PTCH1: variants seen among roughly 807,000 people sequenced by gnomAD.
The protein encoded by PTCH1 is patched 1.
A neutral mutation model predicts 144.6 loss-of-function variants in PTCH1; 14 were observed. The observed-to-expected ratio is 0.10, with a 90% CI of 0.06 to 0.15. The LOEUF (loss-of-function observed/expected upper bound fraction) is 0.15. Ranked by LOEUF, PTCH1 falls within the 10% of genes least tolerant of loss-of-function variation. The probability of loss-of-function intolerance (pLI) is 1.00; values close to 1 mark genes in which losing one functional copy is unlikely to be tolerated. For synonymous variants in PTCH1, 833 were observed against 793.6 expected (o/e 1.05, Z -0.83); for missense variants, 1,623 against 1,948.3 (o/e 0.83, Z 3.14).
chr9:95,468,018 T>A (rs1242251695), intron 14 of PTCH1, among the ~76,000 whole-genome samples: 1 of 152,196 alleles, frequency 6.6e-6, no homozygotes, highest in Admixed American at 6.5e-5. Flanking sequence ...ATGATCCTCC[T>A]GTCTCAGCTG....
intron 5 of PTCH1, among the ~76,000 whole-genome samples, chr9:95,481,383 T>C (rs963235981): frequency 6.6e-6 from 1 of 152,188 alleles, no homozygotes; most frequent in Admixed American, 6.5e-5. Flanking sequence ...TAACTGAAAA[T>C]GTCTATGCTG....
chr9:95,459,253 A>G (rs1176856462), intron 17 of PTCH1, among the ~76,000 whole-genome samples: 1 of 152,238 alleles, frequency 6.6e-6, no homozygotes, highest in Non-Finnish European at 1.5e-5. Context: ...AGATAAACAT[A>G]TAATCCCCAG....
At chr9:95,472,673 G>A (rs1222570005) in intron 12 of PTCH1, among the ~76,000 whole-genome samples, 2 of 152,258 alleles carry the variant, frequency 1.3e-5, no homozygotes, top group South Asian at 2.1e-4. Flanking sequence ...CGGCCTCATC[G>A]GTCAGAGAAG....
upstream of PTCH1, among the ~76,000 whole-genome samples, chr9:95,510,739 AAAG>A (rs910245486): frequency 7.3e-5 from 11 of 149,672 alleles, no homozygotes; most frequent in East Asian, 3.9e-4. Flanking sequence ...ATTGAAAAAA[AAAG>A]AAGAAAGAAA....
chr9:95,507,500 G>C (rs1587697267), intron 1 of PTCH1: 1 of 952,620 alleles, frequency 1.0e-6, no homozygotes, highest in South Asian at 4.8e-5. Flanking sequence ...ATTTAAGGTG[G>C]CAATTTGTTT....
At chr9:95,493,803 A>AC (rs1366790446) in intron 2 of PTCH1, among the ~76,000 whole-genome samples, 6 of 150,652 alleles carry the variant, frequency 4.0e-5, no homozygotes, top group African/African-American at 1.5e-4. Flanking sequence ...TCGAAAAACA[A>AC]AAAAAAAAGA....
rs56141639 is a variant in PTCH1, at chr9:95,480,438, C to T, written c.897G>A (p.Pro299=). The change falls in exon 6 of 24, where the codon CCG becomes CCA. Residue 299 remains proline (P), a synonymous_variant. Transcript: ENST00000331920. ...CTGTGGCGGGGCAGTCTGGATCGGCCGGATTGAGGCAGGGGCGGTCCATGT... is the reference window on the plus strand; with the variant it reads ...CTGTGGCGGGGCAGTCTGGATCGGCTGGATTGAGGCAGGGGCGGTCCATGT... ...HGYMDRPCLN[P]ADPDCPATAP... 86 of 1,611,250 alleles carry T rather than the reference C, an allele frequency of 5.3e-5. No individual in the cohort carries two copies. The highest frequency in any genetic ancestry group is 6.5e-5 in the Non-Finnish European group (77 of 1,179,662).
At chr9:95,507,204 A>G (rs1843748298) in intron 1 of PTCH1, 1 of 985,568 alleles carries the variant, frequency 1.0e-6, no homozygotes. Flanking sequence ...TGAATTAGGA[A>G]GTGGGGCAGC....
chr9:95,480,359 C>T (rs2118408582), intron 6 of PTCH1, 31 bp downstream of exon 6: 1 of 1,606,944 alleles, frequency 6.2e-7, no homozygotes, highest in Non-Finnish European at 8.5e-7. Context: ...TGCTCTCCAC[C>T]CTTCTGAGAG....
chr9:95,506,648 GCGCGCCCA>G (rs1386325774), intron 1 of PTCH1, 49 bp from the exon 2 acceptor site: 2 of 1,508,186 alleles, frequency 1.3e-6, no homozygotes, highest in African/African-American at 2.9e-5. Flanking sequence ...GTCGCGGCCC[GCGCGCCCA>G]CGCCCGCTTG....
intron 1 of PTCH1, chr9:95,507,873 C>G: frequency 8.1e-7 from 1 of 1,241,766 alleles, no homozygotes; most frequent in South Asian, 1.6e-5. Context: ...TTCCAGTGCT[C>G]CGGAAAAGGC....
chr9:95,509,898 A>C (rs535190371), upstream of PTCH1, among the ~76,000 whole-genome samples: 334 of 152,248 alleles, frequency 2.2e-3, 2 homozygotes, highest in Non-Finnish European at 3.9e-3. Context: ...AACGCCTCGC[A>C]TTAAGATAAA....
intron 2 of PTCH1, among the ~76,000 whole-genome samples, chr9:95,500,440 AATAAATACCTAT>A (rs1308413823): frequency 6.6e-6 from 1 of 152,228 alleles, no homozygotes; most frequent in African/African-American, 2.4e-5. Context: ...AGTAGAAACT[AATAAATACCTAT>A]AAACATATTC....
intron 2 of PTCH1, among the ~76,000 whole-genome samples, chr9:95,488,484 T>G (rs1280308969): frequency 6.6e-6 from 1 of 152,224 alleles, no homozygotes; most frequent in Non-Finnish European, 1.5e-5. Context: ...TATCTAATAT[T>G]TCATCTTATA....
Position 95,501,435 on chromosome 9 carries a change from T to C in PTCH1, c.394+4972A>G, listed in dbSNP as rs150550510. Among the ~76,000 whole-genome samples, 1,035 of 152,126 alleles carry C rather than the reference T, an allele frequency of 6.8e-3. 16 individuals are homozygous for C. Among genetic ancestry groups the C allele is most frequent in the African/African-American group, 0.024 (996 of 41,474 alleles). ...CAGTTATCTCCTACAACTGATTGCC[T>C]GAGTTCAAGAACACTGAAAGCATTA... On this transcript the variant is annotated intron_variant, in intron 2 of 23. Transcript: ENST00000331920.
At chr9:95,494,493 G>T in intron 2 of PTCH1, 1 of 965,118 alleles carries the variant, frequency 1.0e-6, no homozygotes, top group Non-Finnish European at 1.2e-6. Context: ...CAGAGCACAG[G>T]CGGAAATGTC....
At chr9:95,481,326 G>A (rs1281107906) in intron 5 of PTCH1, among the ~76,000 whole-genome samples, 1 of 152,210 alleles carries the variant, frequency 6.6e-6, no homozygotes, top group African/African-American at 2.4e-5. Flanking sequence ...GCAGATATGT[G>A]CAAGCCAGGA....
At chr9:95,512,716 C>A (rs1443466240), upstream of PTCH1, among the ~76,000 whole-genome samples, 1 of 152,248 alleles carries the variant, frequency 6.6e-6, no homozygotes, top group Admixed American at 6.5e-5. Flanking sequence ...AAGGATTCCA[C>A]AGATCTGAGA....
chr9:95,452,123 C>T (rs979340075), intron 20 of PTCH1: 32 of 152,300 alleles, frequency 2.1e-4, no homozygotes, highest in African/African-American at 7.2e-4. Flanking sequence ...GATTCCACTT[C>T]ACCATTCACT....
Sources: gnomAD v4.1 joint callset for allele counts (sites outside exome capture counted in the v4.1 genomes callset) on GRCh38, gnomAD v4.1.1 for gene constraint, MANE v1.5 for transcripts, NCBI Gene and HGNC (gene_info 2026-07-23, HGNC 2026-07-21) for gene names.